The following COL4A1 variants were observed in gnomAD, a reference collection of about 807,000 sequenced individuals.
COL4A1 encodes the protein collagen type IV alpha 1 chain.
COL4A1 carries 40 observed loss-of-function variants against 216.6 expected under a neutral mutation model. The ratio of observed to expected loss-of-function variants is 0.18; its 90% CI spans 0.14 to 0.24. The LOEUF is 0.24. COL4A1 is among the 10% of genes least tolerant of loss of function. COL4A1 has a pLI of 1.00. For missense variants in COL4A1, 1,628 were observed against 2,196.8 expected (o/e 0.74, Z 5.18); for synonymous variants, 839 against 810.7 (o/e 1.03, Z -0.59).
Position 110,306,972 on chromosome 13 carries a change from T to C in COL4A1, c.56A>G (p.His19Arg). Residue 19 changes from histidine to arginine, a missense_variant, in exon 1 of 52, where the codon CAC becomes CGC. Transcript: ENST00000375820. Reference protein sequence around the residue: ...LLLLPAALLLHEEHSRAAAKG... With the variant: ...LLLLPAALLLREEHSRAAAKG... ...CGCAGCGGCCCGGCTGTGCTCCTCGTGGAGCAGAAGGGCGGCGGGCAGCAG... is the reference window on the plus strand; with the variant it reads ...CGCAGCGGCCCGGCTGTGCTCCTCGCGGAGCAGAAGGGCGGCGGGCAGCAG... 6.8e-7 allele frequency: 1 copy of C among 1,475,730 alleles called. No homozygotes were observed. The highest frequency in any genetic ancestry group is 8.9e-7 in the Non-Finnish European group (1 of 1,118,720). The allele number at this position is 1,475,730 out of a possible 1,614,324, so 91.4% of individuals were successfully genotyped here. A position where few individuals can be genotyped will look rare whatever the true frequency, so the allele number is the denominator to read the frequency against.
intron 2 of COL4A1, among the ~76,000 whole-genome samples, chr13:110,219,768 A>ATG (rs1333022178): frequency 6.7e-5 from 9 of 134,882 alleles, no homozygotes; most frequent in Non-Finnish European, 9.8e-5. Flanking sequence ...ATGCGTATAT[A>ATG]TGTATATATA....
At chr13:110,213,013 A>G (rs563877) in intron 4 of COL4A1, among the ~76,000 whole-genome samples, 150,901 of 152,254 alleles carry the variant, frequency 0.99, 74,797 homozygotes, top group Middle Eastern at 1. Flanking sequence ...GAAGTAACCC[A>G]GGAATGGGAA....
At chr13:110,230,328 G>A (rs574721783) in intron 2 of COL4A1, among the ~76,000 whole-genome samples, 13 of 152,124 alleles carry the variant, frequency 8.5e-5, no homozygotes, top group African/African-American at 3.1e-4. Context: ...ATATGTGCAT[G>A]CACGTGATGT....
chr13:110,174,077 G>A (rs1375463625), intron 39 of COL4A1, 79 bp from the exon 40 acceptor site: 4 of 1,486,380 alleles, frequency 2.7e-6, no homozygotes, highest in Non-Finnish European at 3.7e-6. Flanking sequence ...GCCCTTTGCT[G>A]ACATCCTTTA....
chr13:110,227,393 C>CACAA (rs1566392697), intron 2 of COL4A1, among the ~76,000 whole-genome samples: 1 of 126,464 alleles, frequency 7.9e-6, no homozygotes, highest in African/African-American at 3.0e-5. Context: ...GGTAGACACA[C>CACAA]ACACACACAC....
rs1881920362 is a variant in COL4A1 at position 110,248,275 on chromosome 13, T to C, written c.85-5541A>G. On this transcript the variant is annotated intron_variant, in intron 1 of 51. Coordinates refer to ENST00000375820, the MANE Select transcript of COL4A1 (RefSeq NM_001845.6). ...AGGGCTACTTGGGCAGAATTAAGAG[T>C]ACGCAGCAAGCGCGGGCCCCACACG... Among the ~76,000 whole-genome samples the C allele has an allele frequency of 2.0e-5, 3 of 152,154 alleles. No individual in the cohort carries two copies. The South Asian group carries it at 6.2e-4, about 32-fold the overall frequency.
chr13:110,270,372 A>G (rs1883201498), intron 1 of COL4A1, among the ~76,000 whole-genome samples: 1 of 152,250 alleles, frequency 6.6e-6, no homozygotes, highest in Non-Finnish European at 1.5e-5. Flanking sequence ...GAATTATTCA[A>G]ATGATCAAAA....
chr13:110,208,600 T>C (rs1332252767), intron 12 of COL4A1, among the ~76,000 whole-genome samples: 1 of 152,218 alleles, frequency 6.6e-6, no homozygotes. Flanking sequence ...TACAGATAAT[T>C]GGAGTTAGTC....
At chr13:110,306,517 G>A (rs892923734) in intron 1 of COL4A1, among the ~76,000 whole-genome samples, 9 of 152,172 alleles carry the variant, frequency 5.9e-5, no homozygotes, top group African/African-American at 2.2e-4. Flanking sequence ...CTAGGAGCTC[G>A]GAGCTCCCAG....
intron 21 of COL4A1, among the ~76,000 whole-genome samples, chr13:110,197,211 A>T (rs1191296356): frequency 4.2e-5 from 3 of 72,256 alleles, no homozygotes; most frequent in Non-Finnish European, 8.0e-5. Context: ...TCCCCTGCCC[A>T]CCCCCCACCC....
At chr13:110,173,102 T>C (rs1877719799) in intron 40 of COL4A1, among the ~76,000 whole-genome samples, 2 of 152,118 alleles carry the variant, frequency 1.3e-5, no homozygotes, top group Non-Finnish European at 2.9e-5. Context: ...CACTAATTGC[T>C]ATTCTCAGGG....
At chr13:110,184,090 C>A (rs184925301) in intron 26 of COL4A1, among the ~76,000 whole-genome samples, 124 of 152,334 alleles carry the variant, frequency 8.1e-4, no homozygotes, top group Admixed American at 1.9e-3. Flanking sequence ...GGGCACCAGG[C>A]TTTTATGATT....
rs200155813 is a variant in COL4A1 at position 110,242,705 on chromosome 13, T to C, written c.114A>G (p.Lys38=). Residue 38 remains lysine (K), a synonymous_variant, in exon 2 of 52, where the codon AAA becomes AAG. Transcript: ENST00000375820. ...GTCCCTTCACTCCATGGCAGTCACA[T>C]TTGCCACAGCCAGAGCCAGCACAGC... ...KGGCAGSGCG[K]CDCHGVKGQK... The C allele has an allele frequency of 6.2e-7, 1 of 1,614,242 alleles. No individual in the cohort carries two copies. The highest frequency in any genetic ancestry group is 2.2e-5 in the East Asian group (1 of 44,892).
At chr13:110,264,734 C>T (rs983831241) in intron 1 of COL4A1, among the ~76,000 whole-genome samples, 10 of 152,118 alleles carry the variant, frequency 6.6e-5, no homozygotes, top group East Asian at 1.9e-4. Context: ...CCTCCTTCCC[C>T]GTCTCTTTCT....
In COL4A1 at chr13:110,179,353, G is replaced by T. The variant is rs750538499; in HGVS notation, c.2262C>A (p.Pro754=). The T allele has an allele frequency of 6.2e-7, 1 of 1,613,918 alleles. No homozygotes were observed. Among genetic ancestry groups the T allele is most frequent in the Middle Eastern group, 1.6e-4 (1 of 6,084 alleles). The change falls in exon 30 of 52, where the codon CCC becomes CCA. Residue 754 remains proline, a synonymous_variant. Transcript: ENST00000375820. ...GTACCCCAATGCTCCCCTTCTCCCC[G>T]GGTGTGCCAGGAATGCCGGGAAGAC... ...LPGLPGIPGT[P]GEKGSIGVPG... is the part of the protein sequence containing the mutation.
At chr13:110,302,009 G>C (rs1235653314) in intron 1 of COL4A1, among the ~76,000 whole-genome samples, 14 of 152,192 alleles carry the variant, frequency 9.2e-5, no homozygotes, top group African/African-American at 3.4e-4. Context: ...GAGAGCACGA[G>C]AGCTGGGAGG....
chr13:110,271,053 A>G (rs998363574), intron 1 of COL4A1, among the ~76,000 whole-genome samples: 2 of 152,240 alleles, frequency 1.3e-5, no homozygotes, highest in Admixed American at 1.3e-4. Flanking sequence ...TTTGAAAAAC[A>G]ATGATGGAAA....
At chr13:110,230,689 G>A (rs1176253328) in intron 2 of COL4A1, among the ~76,000 whole-genome samples, 3 of 152,196 alleles carry the variant, frequency 2.0e-5, no homozygotes. Flanking sequence ...TCTGCTTTCT[G>A]CCCCAGTCAC....
chr13:110,220,193 C>G (rs1880407743), intron 2 of COL4A1, among the ~76,000 whole-genome samples: 1 of 152,158 alleles, frequency 6.6e-6, no homozygotes, highest in Non-Finnish European at 1.5e-5. Context: ...CCGCCTTGTC[C>G]TCCTAAAGTG....
Sources: gnomAD v4.1 joint callset for allele counts (sites outside exome capture counted in the v4.1 genomes callset) on GRCh38, gnomAD v4.1.1 for gene constraint, MANE v1.5 for transcripts, NCBI Gene and HGNC (gene_info 2026-07-23, HGNC 2026-07-21) for gene names.